The following WWOX variants were observed in gnomAD, a reference collection of about 807,000 sequenced individuals.
WWOX encodes the protein WW domain-containing oxidoreductase.
WWOX carries 69 observed loss-of-function variants against 46.2 expected under a neutral mutation model. The ratio of observed to expected loss-of-function variants is 1.49; its 90% CI spans 1.23 to 1.82. The LOEUF is 1.82. Ranked by LOEUF, WWOX falls within the 40% of genes most tolerant of loss-of-function variation. WWOX has a pLI of 0.00. For missense variants in WWOX, 919 were observed against 542.6 expected (o/e 1.69, Z -6.89); for synonymous variants, 359 against 202.6 (o/e 1.77, Z -6.56).
chr16:79,124,242 C>A (rs980249407), intron 8 of WWOX, among the ~76,000 whole-genome samples: 1 of 152,244 alleles, frequency 6.6e-6, no homozygotes, highest in Non-Finnish European at 1.5e-5. Flanking sequence ...TGCCCCAGAA[C>A]TGGTCAAACG....
chr16:78,870,517 A>G (rs549727911), intron 8 of WWOX, among the ~76,000 whole-genome samples: 1 of 152,152 alleles, frequency 6.6e-6, no homozygotes, highest in East Asian at 1.9e-4. Context: ...AAAAAAAACA[A>G]AAAACCCTTA....
At chr16:78,412,499 G>C (rs909149448) in intron 6 of WWOX, among the ~76,000 whole-genome samples, 4 of 152,274 alleles carry the variant, frequency 2.6e-5, no homozygotes, top group African/African-American at 9.6e-5. Context: ...GAAGATTTTA[G>C]AGATGGAATG....
chr16:78,456,726 A>G (rs79201199), intron 8 of WWOX, among the ~76,000 whole-genome samples: 5,455 of 152,332 alleles, frequency 0.036, 347 homozygotes, highest in African/African-American at 0.12. Flanking sequence ...GAAAAGGTAG[A>G]ATATCCACAT....
chr16:79,196,641 C>T (rs1402383835), intron 8 of WWOX, among the ~76,000 whole-genome samples: 1 of 152,142 alleles, frequency 6.6e-6, no homozygotes, highest in Non-Finnish European at 1.5e-5. Context: ...ATTCCTTCTT[C>T]CCCCACCCTC....
chr16:78,949,346 A>G (rs527666232), intron 8 of WWOX, among the ~76,000 whole-genome samples: 28 of 152,222 alleles, frequency 1.8e-4, no homozygotes, highest in African/African-American at 6.5e-4. Flanking sequence ...TGTGGCAGCA[A>G]TAGAAAATCT....
At chr16:78,492,824 C>T (rs551432512) in intron 8 of WWOX, among the ~76,000 whole-genome samples, 3 of 152,286 alleles carry the variant, frequency 2.0e-5, no homozygotes, top group African/African-American at 7.2e-5. Context: ...CTGGGGGCCT[C>T]ATGCCTGCTA....
At chr16:78,536,553 A>T (rs2043764015) in intron 8 of WWOX, among the ~76,000 whole-genome samples, 1 of 152,108 alleles carries the variant, frequency 6.6e-6, no homozygotes, top group African/African-American at 2.4e-5. Context: ...CACCACCCTT[A>T]CATATCCCAG....
intron 8 of WWOX, among the ~76,000 whole-genome samples, chr16:78,680,541 C>G (rs2047705000): frequency 6.6e-6 from 1 of 152,058 alleles, no homozygotes; most frequent in Non-Finnish European, 1.5e-5. Context: ...AACAAACAAA[C>G]AAAAAGCCAT....
intron 8 of WWOX, among the ~76,000 whole-genome samples, chr16:78,463,068 G>A (rs888327133): frequency 5.3e-5 from 8 of 152,176 alleles, no homozygotes; most frequent in Non-Finnish European, 7.3e-5. Flanking sequence ...CCTTTGCTGA[G>A]GCAGGGGCAG....
intron 8 of WWOX, among the ~76,000 whole-genome samples, chr16:78,965,164 G>C (rs576207485): frequency 6.6e-6 from 1 of 152,332 alleles, no homozygotes; most frequent in South Asian, 2.1e-4. Context: ...TGTGAGAAGA[G>C]GGAAAGTGAA....
chr16:78,164,437 G>A (rs1471198099), intron 5 of WWOX, 148 bp downstream of exon 5: 1 of 765,850 alleles, frequency 1.3e-6, no homozygotes, highest in African/African-American at 1.7e-5. Context: ...TTTGTCTTAT[G>A]AATGAAAGCA....
chr16:78,296,239 A>T (rs2079941771), intron 5 of WWOX, among the ~76,000 whole-genome samples: 1 of 150,126 alleles, frequency 6.7e-6, no homozygotes, highest in Non-Finnish European at 1.5e-5. Flanking sequence ...CTTTCTATAT[A>T]AATTTATAAA....
At chr16:78,553,690 A>G (rs557262513) in intron 8 of WWOX, among the ~76,000 whole-genome samples, 2 of 152,206 alleles carry the variant, frequency 1.3e-5, no homozygotes, top group South Asian at 4.1e-4. Flanking sequence ...ACCATGATAG[A>G]GAACCTTTCC....
At chr16:78,739,201 G>C (rs796595115) in intron 8 of WWOX, among the ~76,000 whole-genome samples, 1 of 152,100 alleles carries the variant, frequency 6.6e-6, no homozygotes, top group Non-Finnish European at 1.5e-5. Flanking sequence ...TAAGTACCCG[G>C]CTAAAATTGT....
At chr16:78,709,423 C>G (rs895149979) in intron 8 of WWOX, among the ~76,000 whole-genome samples, 1 of 151,960 alleles carries the variant, frequency 6.6e-6, no homozygotes. Flanking sequence ...CAGCCTGTTG[C>G]AAGTAATCGG....
intron 8 of WWOX, among the ~76,000 whole-genome samples, chr16:78,939,413 G>T (rs185571466): frequency 3.3e-5 from 5 of 152,218 alleles, no homozygotes; most frequent in Admixed American, 2.6e-4. Context: ...TTTGATTCTT[G>T]GTTCTTTCTT....
chr16:78,787,399 CATATAAATGGAATCACACA>C (rs1567559519), intron 8 of WWOX, among the ~76,000 whole-genome samples: 1 of 152,142 alleles, frequency 6.6e-6, no homozygotes, highest in Non-Finnish European at 1.5e-5. Flanking sequence ...CTGGATATCT[CATATAAATGGAATCACACA>C]ATATGTGGCC....
chr16:79,137,614 A>T (rs923733989), intron 8 of WWOX, among the ~76,000 whole-genome samples: 2 of 152,048 alleles, frequency 1.3e-5, no homozygotes, highest in African/African-American at 4.8e-5. Context: ...TTTGGCTCTG[A>T]CCTGCCATCA....
At chr16:78,573,550 C>G (rs768273898) in intron 8 of WWOX, among the ~76,000 whole-genome samples, 3 of 152,204 alleles carry the variant, frequency 2.0e-5, no homozygotes, top group African/African-American at 7.2e-5. Flanking sequence ...CATTCAGTGG[C>G]TCCCTGGGCC....
Sources: gnomAD v4.1 joint callset for allele counts (sites outside exome capture counted in the v4.1 genomes callset) on GRCh38, gnomAD v4.1.1 for gene constraint, MANE v1.5 for transcripts, NCBI Gene and HGNC (gene_info 2026-07-23, HGNC 2026-07-21) for gene names.